PCK2: variants seen among roughly 807,000 people sequenced by gnomAD.
PCK2 encodes the protein phosphoenolpyruvate carboxykinase [GTP], mitochondrial.
PCK2 carries 56 observed loss-of-function variants against 65.9 expected under a neutral mutation model. The ratio of observed to expected loss-of-function variants is 0.85; its 90% CI spans 0.69 to 1.06. The LOEUF (loss-of-function observed/expected upper bound fraction) is 1.06. PCK2 is among the 50% of genes least tolerant of loss of function. The probability of loss-of-function intolerance (pLI) is 0.00; values close to 1 mark genes in which losing one functional copy is unlikely to be tolerated. For synonymous variants in PCK2, 305 were observed against 319.6 expected, an observed-to-expected ratio of 0.95 and a Z score of 0.49; for missense variants, 843 against 863.1, an observed-to-expected ratio of 0.98 and a Z score of 0.29.
Position 24,094,627 on chromosome 14 carries a change from C to A in PCK2, c.29+193C>A. The A allele has an allele frequency of 6.8e-7, 1 of 1,473,842 alleles. No homozygotes were observed. The highest frequency in any genetic ancestry group is 1.4e-5 in the South Asian group (1 of 73,376). 91.3% of individuals were successfully genotyped at this position (1,473,842 alleles called of 1,614,324 possible). A position where few individuals can be genotyped will look rare whatever the true frequency, so the allele number is the denominator to read the frequency against. On this transcript the variant is annotated intron_variant, in intron 1 of 9. Transcript: ENST00000216780. This position sits in a 1 kb window ranked among gnomAD's most constrained non-coding sequence, Gnocchi z 4.1. The stretch of plus-strand genomic sequence containing the variant: ...GGGAGGGCAGCCGGCCGGTGCTCCT[C>A]GTTTCCGCCTGCACCTCCCCTTCTC...
chr14:24,095,613 G>C (rs2036835948), intron 1 of PCK2, among the ~76,000 whole-genome samples: 1 of 152,092 alleles, frequency 6.6e-6, no homozygotes, highest in African/African-American at 2.4e-5. Flanking sequence ...AGAAGAGCCA[G>C]GGGAAGCACG....
chr14:24,098,121 C>A, intron 2 of PCK2, 82 bp from the exon 3 acceptor site: 1 of 1,191,500 alleles, frequency 8.4e-7, no homozygotes, highest in South Asian at 1.5e-5. Context: ...GACCTGGAGT[C>A]AAAGTTGGAC....
chr14:24,101,530 TCCCTA>T (rs982818522), intron 7 of PCK2, among the ~76,000 whole-genome samples: 1 of 152,218 alleles, frequency 6.6e-6, no homozygotes, highest in African/African-American at 2.4e-5. Context: ...CCTGAGGTTA[TCCCTA>T]CCCATGTGAT....
chr14:24,094,734 C>T lies in PCK2; in HGVS notation c.29+300C>T. 6.7e-7 allele frequency: 1 copy of T among 1,483,952 alleles called. No individual in the cohort carries two copies. The highest frequency in any genetic ancestry group is 9.0e-7 in the Non-Finnish European group (1 of 1,113,924). The allele number at this position is 1,483,952 out of a possible 1,614,324, so 91.9% of individuals were successfully genotyped here. The stretch of plus-strand genomic sequence containing the variant: ...CTCTCCTCGCTCCTCTCTGCTGAGC[C>T]AGGTCTCCGCATATCCTCCTTTCCT... On this transcript the variant is annotated intron_variant, in intron 1 of 9. Coordinates refer to ENST00000216780, the MANE Select transcript of PCK2 (RefSeq NM_004563.4). This position sits in a 1 kb window ranked among gnomAD's most constrained non-coding sequence, Gnocchi z 4.1.
chr14:24,094,953 G>A lies in PCK2; in HGVS notation c.29+519G>A. On this transcript the variant is annotated intron_variant, in intron 1 of 9. Coordinates refer to ENST00000216780, the MANE Select transcript of PCK2 (RefSeq NM_004563.4). This position sits in a 1 kb window ranked among gnomAD's most constrained non-coding sequence, Gnocchi z 4.1. Reference sequence around the variant, plus strand: ...TGGAAGGACTGGAACCTGGCGGGAAGTCCAGAGCAGCCCGAGGGACCTGGG... The same window carrying A: ...TGGAAGGACTGGAACCTGGCGGGAAATCCAGAGCAGCCCGAGGGACCTGGG... The A allele has an allele frequency of 1.1e-6, 1 of 934,950 alleles. No homozygotes were observed. Among genetic ancestry groups the A allele is most frequent in the South Asian group, 1.4e-5 (1 of 70,186 alleles). 57.9% of individuals were successfully genotyped at this position (934,950 alleles called of 1,614,324 possible).
chr14:24,103,739 C>T lies in PCK2; in HGVS notation c.1698C>T (p.Asp566=). Residue 566 remains aspartate, a synonymous_variant, in exon 10 of 10, where the codon GAC becomes GAT. Coordinates refer to ENST00000216780, the MANE Select transcript of PCK2 (RefSeq NM_004563.4). ...TCTGCCGGCGGTTAGAGGGGGAGGA[C>T]AGTGCCCGAGAGACACCCATTGGGC... is the stretch of plus-strand genomic sequence containing the variant. ...DWICRRLEGE[D]SARETPIGLV... is the part of the protein sequence containing the mutation. The T allele has an allele frequency of 6.2e-7, 1 of 1,614,204 alleles. No individual in the cohort carries two copies. The highest frequency in any genetic ancestry group is 8.5e-7 in the Non-Finnish European group (1 of 1,180,026).
At chr14:24,103,081 C>T (rs1461351441) in intron 8 of PCK2, 79 bp from the exon 9 acceptor site, 7 of 1,262,992 alleles carry the variant, frequency 5.5e-6, no homozygotes, top group Non-Finnish European at 6.9e-6. Flanking sequence ...AGAGAGAGTA[C>T]CAGTCAAGCT....
intron 7 of PCK2, 36 bp from the exon 8 acceptor site, chr14:24,102,717 C>T: frequency 6.3e-7 from 1 of 1,593,840 alleles, no homozygotes. Flanking sequence ...GTCGACATGA[C>T]CTTGGAAATA....
chr14:24,096,822 GTC>G, intron 1 of PCK2, 68 bp from the exon 2 acceptor site: 1 of 1,414,358 alleles, frequency 7.1e-7, no homozygotes, highest in Non-Finnish European at 9.8e-7. Flanking sequence ...CAAGCTTTCT[GTC>G]TCTCCACCAC....
chr14:24,098,631 A>C lies in PCK2; in HGVS notation c.617A>C (p.Asp206Ala), dbSNP rs1482611218. ...GTGCTTCAGGCCCTGGGAGATGGTG[A>C]CTTTGTCAAGTGTCTGCACTCCGTG... Reference protein sequence around the residue: ...TPVLQALGDGDFVKCLHSVGQ... With the variant: ...TPVLQALGDGAFVKCLHSVGQ... The change falls in exon 4 of 10, where the codon GAC becomes GCC. Residue 206 changes from aspartate (D) to alanine (A), a missense_variant. Transcript: ENST00000216780. 6.2e-7 allele frequency: 1 copy of C among 1,613,994 alleles called. No homozygotes were observed. The highest frequency in any genetic ancestry group is 8.5e-7 in the Non-Finnish European group (1 of 1,180,004).
chr14:24,103,611 G>C lies in PCK2; in HGVS notation c.1570G>C (p.Ala524Pro), dbSNP rs776906841. The change falls in exon 10 of 10, where the codon GCC becomes CCC. Residue 524 changes from alanine (A) to proline (P), a missense_variant. Coordinates refer to ENST00000216780, the MANE Select transcript of PCK2 (RefSeq NM_004563.4). Reference sequence around the variant, plus strand: ...GCTGAGCATGGAAGGGCGCAAGGGGGCCCAGCTGCCCCGTATCTTCCATGT... The same window carrying C: ...GCTGAGCATGGAAGGGCGCAAGGGGCCCCAGCTGCCCCGTATCTTCCATGT... ...HWLSMEGRKGAQLPRIFHVNW... is the reference protein window; with the variant it reads ...HWLSMEGRKGPQLPRIFHVNW... 1 of 1,613,292 alleles carries C rather than the reference G, an allele frequency of 6.2e-7. No individual in the cohort carries two copies. Among genetic ancestry groups the C allele is most frequent in the Non-Finnish European group, 8.5e-7 (1 of 1,179,416 alleles).
At position 24,103,641 on chromosome 14, in the gene PCK2, T is replaced by C. The variant is rs756048339; in HGVS notation, c.1600T>C (p.Trp534Arg). ...GCTGCCCCGTATCTTCCATGTCAAC[T>C]GGTTCCGGCGTGACGAGGCAGGGCA... ...AQLPRIFHVNWFRRDEAGHFL... is the reference protein window; with the variant it reads ...AQLPRIFHVNRFRRDEAGHFL... The change falls in exon 10 of 10, where the codon TGG (tryptophan) becomes CGG (arginine). Residue 534 changes from tryptophan (W) to arginine (R), a missense_variant. Coordinates refer to ENST00000216780, the MANE Select transcript of PCK2 (RefSeq NM_004563.4). The C allele has an allele frequency of 6.2e-7, 1 of 1,614,138 alleles. No individual in the cohort carries two copies. The highest frequency in any genetic ancestry group is 1.1e-5 in the South Asian group (1 of 91,082).
At chr14:24,098,964 C>G in intron 4 of PCK2, 85 bp from the exon 5 acceptor site, 1 of 1,075,890 alleles carries the variant, frequency 9.3e-7, no homozygotes, top group South Asian at 1.4e-5. Flanking sequence ...CCAAGTGTCT[C>G]TCCTGCCAAT....
intron 1 of PCK2, among the ~76,000 whole-genome samples, chr14:24,095,630 C>T (rs553669813): frequency 2.0e-5 from 3 of 151,886 alleles, no homozygotes; most frequent in South Asian, 4.2e-4. Flanking sequence ...CACGGGGTCA[C>T]GTGGTCCTGG....
rs776425117 is a variant in PCK2 at position 24,103,170 on chromosome 14, G to A, written c.1383G>A (p.Leu461=). Residue 461 remains leucine (L), a synonymous_variant, in exon 9 of 10, where the codon CTG becomes CTA. Transcript: ENST00000216780. ...TCATTGGTGATCTAGGGGTACCCCT[G>A]GTATACGAGGCCTTCAACTGGCGTC... ...FGGRRPKGVP[L]VYEAFNWRHG... The A allele has an allele frequency of 1.2e-6, 2 of 1,613,152 alleles. No homozygotes were observed. Among genetic ancestry groups the A allele is most frequent in the Admixed American group, 1.7e-5 (1 of 60,022 alleles).
intron 4 of PCK2, 36 bp downstream of exon 4, chr14:24,098,714 G>A (rs1444853479): frequency 6.4e-7 from 1 of 1,567,898 alleles, no homozygotes; most frequent in South Asian, 1.1e-5. Context: ...GAACACAGAG[G>A]CCTTCTTGTA....
Position 24,096,974 on chromosome 14 carries a change from G to C in PCK2, c.112G>C (p.Gly38Arg). 3 of 1,613,558 alleles carry C rather than the reference G, an allele frequency of 1.9e-6. No homozygotes were observed. The highest frequency in any genetic ancestry group is 1.7e-6 in the Non-Finnish European group (2 of 1,179,760). Reference sequence around the variant, plus strand: ...CCTGCGAGTGCTTAGTGGAGATCTGGGCCAGCTTCCCACTGGCATTCGAGA... The same window carrying C: ...CCTGCGAGTGCTTAGTGGAGATCTGCGCCAGCTTCCCACTGGCATTCGAGA... Reference protein sequence around the residue: ...QTLRVLSGDLGQLPTGIRDFV... With the variant: ...QTLRVLSGDLRQLPTGIRDFV... The change falls in exon 2 of 10, where the codon GGC (glycine) becomes CGC (arginine). Residue 38 changes from glycine (G) to arginine (R), a missense_variant. Transcript: ENST00000216780.
chr14:24,098,398 C>T lies in PCK2; in HGVS notation c.460+11C>T. 1.2e-6 allele frequency: 2 copies of T among 1,610,822 alleles called. No homozygotes were observed. Among genetic ancestry groups the T allele is most frequent in the Non-Finnish European group, 1.7e-6 (2 of 1,177,320 alleles). ...CAGGCTGCATGCAGGGTAACCAGGGCAGGGGCACAGTGGCAAGGGCACGGA... is the reference window on the plus strand; with the variant it reads ...CAGGCTGCATGCAGGGTAACCAGGGTAGGGGCACAGTGGCAAGGGCACGGA... On this transcript the variant is annotated intron_variant, in intron 3 of 9. Coordinates refer to ENST00000216780, the MANE Select transcript of PCK2 (RefSeq NM_004563.4).
intron 8 of PCK2, 109 bp from the exon 9 acceptor site, chr14:24,103,051 G>T: frequency 8.4e-7 from 1 of 1,195,566 alleles, no homozygotes; most frequent in South Asian, 1.3e-5. Context: ...GTCTGAAAAT[G>T]GGATAGCCGA....
Sources: gnomAD v4.1 joint callset for allele counts (sites outside exome capture counted in the v4.1 genomes callset) on GRCh38, gnomAD v4.1.1 for gene constraint, Gnocchi (gnomAD v3.1) non-coding constraint, MANE v1.5 for transcripts, NCBI Gene and HGNC (gene_info 2026-07-23, HGNC 2026-07-21) for gene names.